The following SH2D4A variants were observed in gnomAD, a reference collection of about 807,000 sequenced individuals.
SH2D4A encodes SH2 domain-containing protein 4A.
Under a neutral mutation model 64.7 loss-of-function variants are expected in SH2D4A, and 70 were observed. The observed-to-expected ratio is 1.08, with a 90% CI of 0.89 to 1.32. The LOEUF is 1.32. Among genes scored for constraint, SH2D4A ranks in the 40% most tolerant of loss-of-function variants. The probability of loss-of-function intolerance (pLI) is 0.00; values close to 1 mark genes in which losing one functional copy is unlikely to be tolerated. For synonymous variants in SH2D4A, 268 were observed against 200.7 expected, an observed-to-expected ratio of 1.34 and a Z score of -2.83; for missense variants, 706 against 540.1, an observed-to-expected ratio of 1.31 and a Z score of -3.04.
At chr8:19,381,808 G>T (rs1463780074) in intron 8 of SH2D4A, among the ~76,000 whole-genome samples, 1 of 152,086 alleles carries the variant, frequency 6.6e-6, no homozygotes, top group Non-Finnish European at 1.5e-5. Flanking sequence ...TATGTTGAGG[G>T]ACTTTCCTTC....
intron 2 of SH2D4A, among the ~76,000 whole-genome samples, chr8:19,327,077 T>C (rs2052292653): frequency 6.6e-6 from 1 of 152,198 alleles, no homozygotes; most frequent in Non-Finnish European, 1.5e-5. Context: ...GGGGGAAATG[T>C]CTCTCAGATC....
chr8:19,382,324 G>T (rs10089820), intron 8 of SH2D4A, among the ~76,000 whole-genome samples: 2,983 of 152,144 alleles, frequency 0.02, 105 homozygotes, highest in African/African-American at 0.069. Flanking sequence ...TTTTCTTTCA[G>T]TATTTTGAAT....
rs112495981 is a variant in SH2D4A at position 19,372,649 on chromosome 8, C to T, written c.918-881C>T. Among the ~76,000 whole-genome samples, 369 of 152,256 alleles carry T rather than the reference C, an allele frequency of 2.4e-3. No homozygotes were observed. In the Middle Eastern group the frequency reaches 0.041, roughly 17 times the overall value. ...TGTTGTGTTTAAATTGAATTCTGCT[C>T]AAAATTAGTACGCTGTTGAGTAGGA... On this transcript the variant is annotated intron_variant, in intron 7 of 9. Coordinates refer to ENST00000265807, the MANE Select transcript of SH2D4A (RefSeq NM_022071.4).
chr8:19,361,369 C>A, intron 6 of SH2D4A, 55 bp downstream of exon 6: 1 of 1,516,902 alleles, frequency 6.6e-7, no homozygotes, highest in Non-Finnish European at 8.8e-7. Flanking sequence ...GATTCTCTCC[C>A]TTAATAATGT....
At chr8:19,364,597 C>A (rs537830585) in intron 7 of SH2D4A, among the ~76,000 whole-genome samples, 1 of 152,028 alleles carries the variant, frequency 6.6e-6, no homozygotes, top group Non-Finnish European at 1.5e-5. Context: ...CCCCCTCCCC[C>A]CCAGAGGCAG....
At position 19,361,255 on chromosome 8, in the gene SH2D4A, A is replaced by G. The variant is rs4921637; in HGVS notation, c.647A>G (p.Glu216Gly). Residue 216 changes from glutamate (E) to glycine (G), a missense_variant, in exon 6 of 10, where the codon GAA becomes GGA. By Grantham distance (98) the Glu-to-Gly change is moderately conservative (BLOSUM62 -2). Coordinates refer to ENST00000265807, the MANE Select transcript of SH2D4A (RefSeq NM_022071.4). The part of the protein sequence containing the change: ...KQDEEINQIE[E>G]ERTKQICKSW... ...GATGAAGAAATAAATCAAATAGAAGAAGAGAGAACGAAGCAGATTTGTAAG... is the reference window on the plus strand; with the variant it reads ...GATGAAGAAATAAATCAAATAGAAGGAGAGAGAACGAAGCAGATTTGTAAG... 258,495 of 1,608,346 alleles carry G rather than the reference A, an allele frequency of 0.16. 24,305 individuals are homozygous for G. The highest frequency in any genetic ancestry group is 0.43 in the African/African-American group (31,908 of 74,566).
intron 2 of SH2D4A, among the ~76,000 whole-genome samples, chr8:19,331,511 C>G (rs976726849): frequency 6.6e-6 from 1 of 152,106 alleles, no homozygotes; most frequent in African/African-American, 2.4e-5. Flanking sequence ...GGAGCATGAC[C>G]GATGTGGCCG....
intron 4 of SH2D4A, among the ~76,000 whole-genome samples, chr8:19,348,579 G>T (rs2052648031): frequency 6.6e-6 from 1 of 152,190 alleles, no homozygotes; most frequent in South Asian, 2.1e-4. Context: ...CTGGACTTCA[G>T]TGGTTTGCCT....
At position 19,373,455 on chromosome 8, in the gene SH2D4A, T is replaced by TATATATATACACACACACCC. The variant is rs1554485277; in HGVS notation, c.918-66_918-65insCACACACACCCATATATATA. 5.2e-6 allele frequency: 5 copies of TATATATATACACACACACCC among 962,326 alleles called. No individual in the cohort carries two copies. In the African/African-American group the frequency reaches 5.3e-5, roughly 10 times the overall value. The allele number at this position is 962,326 out of a possible 1,614,324, so 59.6% of individuals were successfully genotyped here. Reference sequence around the variant, plus strand: ...ATGTATGTGTGTGTGTATATATATATATATATATATGACTTTTGAGGGCAT... The same window carrying TATATATATACACACACACCC: ...ATGTATGTGTGTGTGTATATATATATATATATATACACACACACCCATATATATATGACTTTTGAGGGCAT... On this transcript the variant is annotated intron_variant, in intron 7 of 9. Transcript: ENST00000265807.
intron 4 of SH2D4A, among the ~76,000 whole-genome samples, chr8:19,350,002 C>G (rs1030743493): frequency 6.6e-6 from 1 of 152,172 alleles, no homozygotes; most frequent in Non-Finnish European, 1.5e-5. Context: ...CTGTGCCTAG[C>G]CTATTATTTT....
At chr8:19,333,180 C>T (rs1480236250) in intron 3 of SH2D4A, 66 bp downstream of exon 3, 22 of 1,521,834 alleles carry the variant, frequency 1.4e-5, no homozygotes, top group Middle Eastern at 3.6e-4. Flanking sequence ...ATTGCAAACA[C>T]ACCTCTTGCT....
At chr8:19,315,560 A>G (rs1274007808) in intron 1 of SH2D4A, among the ~76,000 whole-genome samples, 4 of 152,252 alleles carry the variant, frequency 2.6e-5, no homozygotes, top group Non-Finnish European at 5.9e-5. Context: ...GGCCAAATCT[A>G]TGGTATCATG....
chr8:19,392,007 C>A (rs573972021), intron 8 of SH2D4A, among the ~76,000 whole-genome samples: 6 of 152,188 alleles, frequency 3.9e-5, no homozygotes, highest in South Asian at 2.1e-4. Flanking sequence ...CTGAATAATT[C>A]ATTGACTTCC....
chr8:19,325,640 T>C (rs1240604018), intron 2 of SH2D4A, among the ~76,000 whole-genome samples: 1 of 152,216 alleles, frequency 6.6e-6, no homozygotes, highest in East Asian at 1.9e-4. Flanking sequence ...TTCTTCCATC[T>C]GCTTTTCCAG....
intron 1 of SH2D4A, among the ~76,000 whole-genome samples, chr8:19,315,625 G>A (rs2052075275): frequency 6.6e-6 from 1 of 152,200 alleles, no homozygotes; most frequent in Non-Finnish European, 1.5e-5. Context: ...TAAATAGCAG[G>A]TGTGGGCTTG....
intron 7 of SH2D4A, 123 bp from the exon 8 acceptor site, chr8:19,373,407 T>A: frequency 1.9e-6 from 1 of 536,324 alleles, no homozygotes; most frequent in East Asian, 3.4e-5. Context: ...TCTACAGACA[T>A]GCATGTATAT....
chr8:19,375,258 TTTTCAG>T (rs2053173213), intron 8 of SH2D4A: 1 of 152,206 alleles, frequency 6.6e-6, no homozygotes, highest in Non-Finnish European at 1.5e-5. Flanking sequence ...TACATCTTTA[TTTTCAG>T]TTTCAAGAAG....
At chr8:19,338,846 G>A (rs567197162) in intron 4 of SH2D4A, among the ~76,000 whole-genome samples, 61 of 152,312 alleles carry the variant, frequency 4.0e-4, no homozygotes, top group Middle Eastern at 6.8e-3. Flanking sequence ...TTTTTGATGA[G>A]TAAGTGAGGT....
At chr8:19,357,347 A>T (rs2052809561) in intron 5 of SH2D4A, 64 bp downstream of exon 5, 1 of 1,143,272 alleles carries the variant, frequency 8.7e-7, no homozygotes, top group Admixed American at 1.9e-5. Context: ...AATGTTTCAC[A>T]GATTAGTTAA....
Sources: allele counts gnomAD v4.1 joint callset (sites outside exome capture counted in the v4.1 genomes callset), GRCh38; gene constraint gnomAD v4.1.1; transcripts MANE v1.5; gene names NCBI Gene and HGNC (gene_info 2026-07-23, HGNC 2026-07-21).